GAS7: variants seen among roughly 807,000 people sequenced by gnomAD.
The protein encoded by GAS7 is growth arrest-specific protein 7.
In GAS7, 28 loss-of-function variants were observed where a neutral mutation model predicts 71.1. The observed-to-expected ratio is 0.39, with a 90% CI of 0.29 to 0.54. GAS7 has a LOEUF of 0.54. Among genes scored for constraint, GAS7 ranks in the 20% least tolerant of loss-of-function variants. The probability of loss-of-function intolerance (pLI) is 0.62; values close to 1 mark genes in which losing one functional copy is unlikely to be tolerated. For synonymous variants in GAS7, 258 were observed against 245.8 expected, an observed-to-expected ratio of 1.05 and a Z score of -0.46; for missense variants, 436 against 627.8, an observed-to-expected ratio of 0.69 and a Z score of 3.27.
intron 1 of GAS7, among the ~76,000 whole-genome samples, chr17:10,143,566 C>T (rs7210889): frequency 0.72 from 107,853 of 148,914 alleles, 39,232 homozygotes; most frequent in East Asian, 0.8. Flanking sequence ...AAAAATTGGA[C>T]ATAAAGGTAA....
chr17:9,940,442 G>A (rs772488142), intron 7 of GAS7, among the ~76,000 whole-genome samples: 12 of 152,148 alleles, frequency 7.9e-5, no homozygotes, highest in Non-Finnish European at 1.2e-4. Flanking sequence ...CATTTTCTCC[G>A]GTCTCCTAGA....
At chr17:9,983,472 C>T (rs1237262188) in intron 2 of GAS7, among the ~76,000 whole-genome samples, 1 of 152,098 alleles carries the variant, frequency 6.6e-6, no homozygotes, top group Admixed American at 6.6e-5. Context: ...GCCTGGGTGA[C>T]AGAGCAAGAC....
At chr17:9,993,205 G>C (rs1430726337) in intron 2 of GAS7, among the ~76,000 whole-genome samples, 2 of 151,400 alleles carry the variant, frequency 1.3e-5, no homozygotes, top group Non-Finnish European at 2.9e-5. Context: ...GGTTGAACTA[G>C]TTTACAGTCC....
At chr17:10,086,687 G>C (rs2073523387) in intron 1 of GAS7, among the ~76,000 whole-genome samples, 1 of 152,236 alleles carries the variant, frequency 6.6e-6, no homozygotes, top group African/African-American at 2.4e-5. Flanking sequence ...AATACACCTT[G>C]AAGGGTGGCA....
chr17:10,112,372 G>C (rs1237142742), intron 1 of GAS7, among the ~76,000 whole-genome samples: 1 of 152,186 alleles, frequency 6.6e-6, no homozygotes, highest in Non-Finnish European at 1.5e-5. Flanking sequence ...ACTCAGGCAG[G>C]AGCAAGGTAG....
In GAS7 at chr17:10,135,987, G is replaced by A. The variant is rs1017287231; in HGVS notation, c.183+62221C>T. Among the ~76,000 whole-genome samples, 10 of 152,148 alleles carry A rather than the reference G, an allele frequency of 6.6e-5. No homozygotes were observed. The South Asian group carries it at 8.3e-4, about 13-fold the overall frequency. ...TTAAAGAACAAGAGCATGACTTAGC[G>A]AGTTGGCCCCACTGAGCAGGGGGGT... On this transcript the variant is annotated intron_variant, in intron 1 of 13. Coordinates refer to ENST00000432992, the MANE Select transcript of GAS7 (RefSeq NM_201433.2).
chr17:9,949,482 G>A (rs74366770), intron 5 of GAS7, among the ~76,000 whole-genome samples: 4,215 of 152,264 alleles, frequency 0.028, 123 homozygotes, highest in East Asian at 0.07. Flanking sequence ...TCTGGTTCAG[G>A]AAGCTCCTGG....
rs545188045 is a variant in GAS7, at chr17:10,106,124, C to T, written c.184-86227G>A. On this transcript the variant is annotated intron_variant, in intron 1 of 13. Transcript: ENST00000432992. The stretch of plus-strand genomic sequence containing the variant: ...ACATTCCTCTTGTCATATCAACTCC[C>T]GGTTCCTCCATCTTCTGGTCCCAAA... Among the ~76,000 whole-genome samples the T allele has an allele frequency of 7.2e-5, 11 of 152,316 alleles. No homozygotes were observed. In the South Asian group the frequency reaches 1.4e-3, roughly 20 times the overall value.
chr17:10,159,804 G>A (rs1218669291), intron 1 of GAS7, among the ~76,000 whole-genome samples: 1 of 40,748 alleles, frequency 2.5e-5, no homozygotes, highest in Admixed American at 2.1e-4. Context: ...TTTTTTTTTT[G>A]AGACAGTGTC....
intron 1 of GAS7, among the ~76,000 whole-genome samples, chr17:10,057,362 C>T (rs543168331): frequency 9.2e-5 from 14 of 151,664 alleles, no homozygotes; most frequent in South Asian, 4.2e-4. Context: ...CCTCTCTGCC[C>T]GGCCCCCCAT....
chr17:10,168,612 C>A (rs79643748), intron 1 of GAS7, among the ~76,000 whole-genome samples: 13 of 152,166 alleles, frequency 8.5e-5, no homozygotes, highest in African/African-American at 3.1e-4. Context: ...TTTCTTCCCC[C>A]TGCAGGGTGA....
intron 1 of GAS7, among the ~76,000 whole-genome samples, chr17:10,186,985 C>T (rs1179593576): frequency 6.6e-6 from 1 of 152,200 alleles, no homozygotes; most frequent in African/African-American, 2.4e-5. Context: ...CTGAAACAGA[C>T]AGGAACTGGG....
intron 2 of GAS7, among the ~76,000 whole-genome samples, chr17:9,994,970 C>CCA (rs1043491397): frequency 7.2e-5 from 11 of 152,190 alleles, no homozygotes; most frequent in Non-Finnish European, 1.6e-4. Flanking sequence ...AGTGAGGCAG[C>CCA]CAGCTATTCT....
At chr17:10,111,229 C>T (rs1240067716) in intron 1 of GAS7, among the ~76,000 whole-genome samples, 2 of 152,012 alleles carry the variant, frequency 1.3e-5, no homozygotes, top group African/African-American at 2.4e-5. Context: ...GGTGAAACCC[C>T]GTCTCTACTA....
At chr17:10,095,406 C>G (rs2073630371) in intron 1 of GAS7, among the ~76,000 whole-genome samples, 2 of 152,186 alleles carry the variant, frequency 1.3e-5, no homozygotes, top group Admixed American at 6.5e-5. Flanking sequence ...AACTCCTGGG[C>G]TCAAGTGATC....
At chr17:10,071,939 GAAAAAAAAAAAAAA>G (rs2073343946) in intron 1 of GAS7, among the ~76,000 whole-genome samples, 1 of 121,274 alleles carries the variant, frequency 8.2e-6, no homozygotes, top group Non-Finnish European at 1.7e-5. Flanking sequence ...TCCATCTCAA[GAAAAAAAAAAAAAA>G]GAAAAGAAAA....
chr17:10,023,286 G>A (rs2152210996), intron 1 of GAS7, among the ~76,000 whole-genome samples: 1 of 152,294 alleles, frequency 6.6e-6, no homozygotes, highest in South Asian at 2.1e-4. Flanking sequence ...CTCTTAGAAA[G>A]GAGTTCCTCC....
At chr17:10,024,427 T>C (rs2152212442) in intron 1 of GAS7, among the ~76,000 whole-genome samples, 1 of 152,270 alleles carries the variant, frequency 6.6e-6, no homozygotes, top group Non-Finnish European at 1.5e-5. Context: ...CTGTCAGCAC[T>C]TTCCCGTGGG....
At position 9,948,924 on chromosome 17, in the gene GAS7, T is replaced by C. The variant is rs187469996; in HGVS notation, c.526-1941A>G. 2.0e-5 allele frequency among the ~76,000 whole-genome samples: 3 copies of C among 152,296 alleles called. No individual in the cohort carries two copies. The East Asian group carries it at 5.8e-4, about 29-fold the overall frequency. On this transcript the variant is annotated intron_variant, in intron 5 of 13. Coordinates refer to ENST00000432992, the MANE Select transcript of GAS7 (RefSeq NM_201433.2). ...GCCTTATAAGTCTTTAACCCCTTCT[T>C]GCAGCCCAAGCACCTGCTGAAGTGG...
Sources: allele counts gnomAD v4.1 joint callset (sites outside exome capture counted in the v4.1 genomes callset), GRCh38; gene constraint gnomAD v4.1.1; transcripts MANE v1.5; gene names NCBI Gene and HGNC (gene_info 2026-07-23, HGNC 2026-07-21).